SKI: variants seen among roughly 807,000 people sequenced by gnomAD.
The protein encoded by SKI is SKI proto-oncogene.
A neutral mutation model predicts 59.3 loss-of-function variants in SKI; 23 were observed. The ratio of observed to expected loss-of-function variants is 0.39; its 90% CI spans 0.28 to 0.55. The LOEUF (loss-of-function observed/expected upper bound fraction) is 0.55, where lower values mean the gene tolerates loss of function less well. Among genes scored for constraint, SKI ranks in the 20% least tolerant of loss-of-function variants. SKI has a pLI of 0.67. For synonymous variants in SKI, 673 were observed against 488.6 expected, an observed-to-expected ratio of 1.38 and a Z score of -4.98; for missense variants, 1,017 against 1,038.9, an observed-to-expected ratio of 0.98 and a Z score of 0.29.
intron 1 of SKI, among the ~76,000 whole-genome samples, chr1:2,289,467 C>CGCAGG (rs1284471286): frequency 2.0e-5 from 3 of 148,514 alleles, no homozygotes; most frequent in Non-Finnish European, 4.4e-5. Flanking sequence ...CCGAGCCCCG[C>CGCAGG]GCAGGGCAGG....
At chr1:2,284,716 G>A (rs545326575) in intron 1 of SKI, among the ~76,000 whole-genome samples, 1 of 152,324 alleles carries the variant, frequency 6.6e-6, no homozygotes, top group South Asian at 2.1e-4. Flanking sequence ...GCCCCTGGGT[G>A]GCTGGGAGGG....
In SKI at chr1:2,252,406, C is replaced by G. The variant is rs929349608; in HGVS notation, c.969+22671C>G. 2.0e-5 allele frequency among the ~76,000 whole-genome samples: 3 copies of G among 152,306 alleles called. No homozygotes were observed. The South Asian group carries it at 6.2e-4, about 32-fold the overall frequency. Reference sequence around the variant, plus strand: ...GATCCTGGTGCAGGGCTGCACTCAGCCTCCCCAGAAGCAGCTTGGTCCCGG... The same window carrying G: ...GATCCTGGTGCAGGGCTGCACTCAGGCTCCCCAGAAGCAGCTTGGTCCCGG... On this transcript the variant is annotated intron_variant, in intron 1 of 6. Transcript: ENST00000378536.
intron 1 of SKI, among the ~76,000 whole-genome samples, chr1:2,238,654 C>T (rs1638801481): frequency 6.6e-6 from 1 of 152,188 alleles, no homozygotes; most frequent in South Asian, 2.1e-4. Context: ...CTGGACAGGG[C>T]AGCCGAGCCA....
chr1:2,264,896 C>G (rs1639467426), intron 1 of SKI, among the ~76,000 whole-genome samples: 1 of 152,028 alleles, frequency 6.6e-6, no homozygotes, highest in Non-Finnish European at 1.5e-5. Context: ...ACTGCAACCT[C>G]TGCCTCCGGG....
Position 2,228,391 on chromosome 1 carries a change from C to G in SKI, c.-376C>G, listed in dbSNP as rs1374035598. Reference sequence around the variant, plus strand: ...CGCGGCGCCGGCACCTGCCCGCGCGCCCCCCGCGAGCCCCGGGCCCGCGAG... The same window carrying G: ...CGCGGCGCCGGCACCTGCCCGCGCGGCCCCCGCGAGCCCCGGGCCCGCGAG... On this transcript the variant is annotated 5_prime_UTR_variant, in exon 1 of 7. Transcript: ENST00000378536. Among the ~76,000 whole-genome samples the G allele has an allele frequency of 2.1e-5, 3 of 142,100 alleles. No individual in the cohort carries two copies. The highest frequency in any genetic ancestry group is 4.7e-5 in the Non-Finnish European group (3 of 64,250). The allele number at this position is 142,100 out of a possible 152,430, so 93.2% of individuals were successfully genotyped here. A position where few individuals can be genotyped will look rare whatever the true frequency, so the allele number is the denominator to read the frequency against.
rs1266809729 is a variant in SKI at position 2,308,263 on chromosome 1, T to C, written c.*1498T>C. ...GTTACTTGCCCAGGTACAGACGACC[T>C]CGGGGCAGTGACGAGCAAAGACCAG... is the stretch of plus-strand genomic sequence containing the variant. On this transcript the variant is annotated 3_prime_UTR_variant, in exon 7 of 7. Transcript: ENST00000378536. 1 of 152,128 alleles carries C rather than the reference T, an allele frequency of 6.6e-6. No individual in the cohort carries two copies. Among genetic ancestry groups the C allele is most frequent in the Non-Finnish European group, 1.5e-5 (1 of 68,024 alleles). The allele number at this position is 152,128 out of a possible 1,614,324, so 9.4% of individuals were successfully genotyped here. A position where few individuals can be genotyped will look rare whatever the true frequency, so the allele number is the denominator to read the frequency against.
chr1:2,234,627 C>T (rs950950794), intron 1 of SKI, among the ~76,000 whole-genome samples: 10 of 152,158 alleles, frequency 6.6e-5, no homozygotes, highest in East Asian at 1.9e-4. Flanking sequence ...GCGGTGGTTC[C>T]GGGGCCTGGG....
In SKI at chr1:2,304,302, CCTT is replaced by C. The variant is rs1640510054; in HGVS notation, c.1485_1487del (p.Leu496del). On this transcript the variant is annotated inframe_deletion, in exon 5 of 7. Transcript: ENST00000378536. ...TCTGCTTCCTCCTCAGTCACCTCCT[CCTT>C]GTCCTCGCTCTCTTCCCCGTCCTTT... 3 of 1,551,720 alleles carry C rather than the reference CCTT, an allele frequency of 1.9e-6. No homozygotes were observed. The highest frequency in any genetic ancestry group is 2.6e-6 in the Non-Finnish European group (3 of 1,146,928).
In SKI at chr1:2,303,427, T is replaced by C; in HGVS notation, c.1211+27T>C. ...TGAGTGGGCGCCATTCACAGGTGTT[T>C]CTGATCACGGGGGAGGCTCCACGAG... On this transcript the variant is annotated intron_variant, in intron 3 of 6. Transcript: ENST00000378536. This position sits in a 1 kb window ranked among gnomAD's most constrained non-coding sequence, Gnocchi z 5.6. 1 of 1,586,818 alleles carries C rather than the reference T, an allele frequency of 6.3e-7. No homozygotes were observed. The highest frequency in any genetic ancestry group is 8.6e-7 in the Non-Finnish European group (1 of 1,158,064).
At chr1:2,244,027 A>G (rs1173285925) in intron 1 of SKI, among the ~76,000 whole-genome samples, 1 of 151,880 alleles carries the variant, frequency 6.6e-6, no homozygotes, top group Non-Finnish European at 1.5e-5. Context: ...GTGCAATGGC[A>G]TGATCTCGGC....
chr1:2,279,586 G>A (rs994922173), intron 1 of SKI, among the ~76,000 whole-genome samples: 12 of 152,150 alleles, frequency 7.9e-5, no homozygotes, highest in African/African-American at 2.9e-4. Flanking sequence ...GGGGAGGGGG[G>A]AGGGGAGAGC....
intron 1 of SKI, among the ~76,000 whole-genome samples, chr1:2,264,458 C>T (rs777813571): frequency 6.6e-6 from 1 of 151,920 alleles, no homozygotes; most frequent in South Asian, 2.1e-4. Context: ...TTAGTAGAGA[C>T]AGGGTTTCTC....
intron 1 of SKI, among the ~76,000 whole-genome samples, chr1:2,251,283 T>C (rs1639142104): frequency 6.6e-6 from 1 of 152,116 alleles, no homozygotes; most frequent in African/African-American, 2.4e-5. Context: ...CTGCTGATGT[T>C]CTTTTATTTA....
chr1:2,275,661 T>C (rs1639726185), intron 1 of SKI, among the ~76,000 whole-genome samples: 1 of 152,182 alleles, frequency 6.6e-6, no homozygotes, highest in Non-Finnish European at 1.5e-5. Context: ...TACAGGCGTG[T>C]GCCATCACAC....
chr1:2,241,644 C>T (rs561711261), intron 1 of SKI, among the ~76,000 whole-genome samples: 12 of 152,300 alleles, frequency 7.9e-5, no homozygotes, highest in African/African-American at 2.6e-4. Context: ...CCGCCCGCCT[C>T]GGCCTCCCAA....
intron 1 of SKI, among the ~76,000 whole-genome samples, chr1:2,271,140 C>T (rs1301596251): frequency 2.0e-5 from 3 of 152,066 alleles, no homozygotes; most frequent in Admixed American, 6.5e-5. Context: ...AGCCTGGGCT[C>T]CTTTGTGATT....
Position 2,303,662 on chromosome 1 carries a change from A to G in SKI, c.1212-178A>G, listed in dbSNP as rs1640483911. 7.8e-6 allele frequency: 7 copies of G among 894,398 alleles called. No homozygotes were observed. Among genetic ancestry groups the G allele is most frequent in the Non-Finnish European group, 1.0e-5 (6 of 586,284 alleles). 55.4% of individuals were successfully genotyped at this position (894,398 alleles called of 1,614,324 possible). On this transcript the variant is annotated intron_variant, in intron 3 of 6. Transcript: ENST00000378536. The surrounding 1 kb of genome is among the most constrained non-coding windows in gnomAD (Gnocchi z 5.6). ...TGTTGGCCTGTGTCTGGCCTTCGCA[A>G]GAGACCCAGCAAGCAGAAAACGCTT...
chr1:2,306,115 C>G lies in SKI; in HGVS notation c.1863C>G (p.Ala621=), dbSNP rs200702159. 5 of 1,598,400 alleles carry G rather than the reference C, an allele frequency of 3.1e-6. No individual in the cohort carries two copies. The highest frequency in any genetic ancestry group is 4.3e-6 in the Non-Finnish European group (5 of 1,173,992). The part of the protein sequence containing the change: ...NLRKEIERLR[A]ENEKKMKEAN... ...GGAAGGAGATCGAGCGTCTCCGCGCCGAGAACGAGAAGAAGATGAAAGAGG... is the reference window on the plus strand; with the variant it reads ...GGAAGGAGATCGAGCGTCTCCGCGCGGAGAACGAGAAGAAGATGAAAGAGG... Residue 621 remains alanine, a synonymous_variant, in exon 6 of 7, where the codon GCC becomes GCG. Coordinates refer to ENST00000378536, the MANE Select transcript of SKI (RefSeq NM_003036.4).
chr1:2,287,149 G>A (rs1329833718), intron 1 of SKI, among the ~76,000 whole-genome samples: 1 of 152,090 alleles, frequency 6.6e-6, no homozygotes, highest in African/African-American at 2.4e-5. Context: ...CCCGCCCGGG[G>A]TGCCCTGGCC....
Sources: allele counts gnomAD v4.1 joint callset (sites outside exome capture counted in the v4.1 genomes callset), GRCh38; gene constraint gnomAD v4.1.1; non-coding constraint Gnocchi (gnomAD v3.1); transcripts MANE v1.5; gene names NCBI Gene and HGNC (gene_info 2026-07-23, HGNC 2026-07-21).